Variants in SLC30A10 observed in about 807,000 individuals in gnomAD.
The protein encoded by SLC30A10 is solute carrier family 30 member 10.
In SLC30A10, 8 loss-of-function variants were observed where a neutral mutation model predicts 21.7. That is an observed-to-expected ratio of 0.37 (90% confidence interval 0.22 to 0.67). The LOEUF is 0.67. Ranked by LOEUF, SLC30A10 falls within the 30% of genes least tolerant of loss-of-function variation. The pLI, the probability that SLC30A10 is intolerant of heterozygous loss-of-function variation, is 0.58. For missense variants in SLC30A10, 521 were observed against 642.5 expected (o/e 0.81, Z 2.04); for synonymous variants, 272 against 279.4 (o/e 0.97, Z 0.26).
intron 1 of SLC30A10, 51 bp downstream of exon 1, chr1:219,927,750 G>A: frequency 6.9e-7 from 1 of 1,454,432 alleles, no homozygotes. Context: ...GGGACCGGGT[G>A]GGAGGAGGAA....
intron 1 of SLC30A10, 120 bp downstream of exon 1, chr1:219,927,678 CAAA>C (rs111682715): frequency 7.2e-5 from 23 of 319,394 alleles, no homozygotes; most frequent in Non-Finnish European, 1.0e-4. Context: ...ACAACAACAA[CAAA>C]AAAAAAAAAA....
Position 219,911,149 on chromosome 1 carries a change from G to GTTTTTTTTT in SLC30A10, c.*4291_*4299dup. Among the ~76,000 whole-genome samples, 260 of 49,322 alleles carry GTTTTTTTTT rather than the reference G, an allele frequency of 5.3e-3. 22 individuals carry two copies. The highest frequency in any genetic ancestry group is 0.011 in the African/African-American group (195 of 17,096). The allele number at this position is 49,322 out of a possible 152,430, so 32.4% of individuals were successfully genotyped here. ...ATGTTTCTTCATTTTTTCTACATCA[G>GTTTTTTTTT]TTTTTTTTTTTTTTTTTTTTTTTTT... is the stretch of plus-strand genomic sequence containing the variant. On this transcript the variant is annotated 3_prime_UTR_variant, in exon 4 of 4. Transcript: ENST00000366926.
upstream of SLC30A10, chr1:219,928,795 G>T (rs908835726): frequency 9.5e-6 from 2 of 209,464 alleles, no homozygotes; most frequent in Non-Finnish European, 1.9e-5. The surrounding 1 kb of genome is among the most constrained non-coding windows in gnomAD (Gnocchi z 6.3). Flanking sequence ...GAGAGGGGGC[G>T]TGTCTGGACG....
chr1:219,933,464 A>C (rs1366186327), upstream of SLC30A10, among the ~76,000 whole-genome samples: 1 of 152,210 alleles, frequency 6.6e-6, no homozygotes, highest in Non-Finnish European at 1.5e-5. Flanking sequence ...TTGGAACTAA[A>C]TCTGGGCTGT....
At chr1:219,925,019 G>A (rs975518439) in intron 2 of SLC30A10, among the ~76,000 whole-genome samples, 4 of 152,152 alleles carry the variant, frequency 2.6e-5, no homozygotes, top group South Asian at 4.1e-4. Flanking sequence ...AGCTAAAGGT[G>A]CACTGGTGTC....
chr1:219,924,201 G>A (rs1329102606), intron 2 of SLC30A10, among the ~76,000 whole-genome samples: 4 of 152,226 alleles, frequency 2.6e-5, no homozygotes, highest in Admixed American at 2.6e-4. Context: ...TGGAGAGTGG[G>A]ACACAGTCCT....
At chr1:219,927,638 T>TAAAAAAAAAAAAAAAAAAAAA (rs77015523) in intron 1 of SLC30A10, among the ~76,000 whole-genome samples, 163 bp downstream of exon 1, 1 of 53,422 alleles carries the variant, frequency 1.9e-5, no homozygotes, top group Non-Finnish European at 3.7e-5. Flanking sequence ...ATGGATTTAT[T>TAAAAAAAAAAAAAAAAAAAAA]AAAAAAAAAA....
At position 219,912,263 on chromosome 1, in the gene SLC30A10, A is replaced by G. The variant is rs1242745234; in HGVS notation, c.*3186T>C. ...TGTCTCCCTACTTTATTGACATTTT[A>G]TCAAGAAGAGAGTAATTTTATTTTC... On this transcript the variant is annotated 3_prime_UTR_variant, in exon 4 of 4. Transcript: ENST00000366926. Among the ~76,000 whole-genome samples the G allele has an allele frequency of 6.7e-6, 1 of 148,722 alleles. No individual in the cohort carries two copies. Among genetic ancestry groups the G allele is most frequent in the Non-Finnish European group, 1.5e-5 (1 of 67,388 alleles).
At chr1:219,947,264 C>G (rs1019072667) in intron 1 of SLC30A10, among the ~76,000 whole-genome samples, 9 of 152,178 alleles carry the variant, frequency 5.9e-5, no homozygotes, top group Admixed American at 5.2e-4. Context: ...TGCAATGGCT[C>G]ATGCCTGTGA....
In SLC30A10 at chr1:219,912,198, A is replaced by AAT. The variant is rs1659430257; in HGVS notation, c.*3250_*3251insAT. Among the ~76,000 whole-genome samples the AAT allele has an allele frequency of 1.5e-5, 2 of 132,988 alleles. No homozygotes were observed. Among genetic ancestry groups the AAT allele is most frequent in the Admixed American group, 1.5e-4 (2 of 13,126 alleles). 87.2% of individuals were successfully genotyped at this position (132,988 alleles called of 152,430 possible). Reference sequence around the variant, plus strand: ...AAAAAAAAAAAAAAAAAAAAAAAAGAACTAAATATGGAGAATATTCTTAAT... The same window carrying AAT: ...AAAAAAAAAAAAAAAAAAAAAAAAGAATACTAAATATGGAGAATATTCTTAAT... On this transcript the variant is annotated 3_prime_UTR_variant, in exon 4 of 4. Coordinates refer to ENST00000366926, the MANE Select transcript of SLC30A10 (RefSeq NM_018713.3).
At chr1:219,928,741 C>G, upstream of SLC30A10, 1 of 349,730 alleles carries the variant, frequency 2.9e-6, no homozygotes, top group East Asian at 5.7e-5. The surrounding 1 kb of genome is among the most constrained non-coding windows in gnomAD (Gnocchi z 6.3). Context: ...GAGCCGATGT[C>G]TCTCTTTGTG....
intron 2 of SLC30A10, among the ~76,000 whole-genome samples, chr1:219,920,831 G>A (rs925309566): frequency 6.6e-6 from 1 of 152,190 alleles, no homozygotes; most frequent in Non-Finnish European, 1.5e-5. Context: ...GCTGTAAGCT[G>A]TTGTATGTCT....
rs147869266 is a variant in SLC30A10 at position 219,939,467 on chromosome 1, G to A, written n.81-12362C>T. On this transcript the variant is annotated intron_variant and non_coding_transcript_variant, in intron 1 of 8. Transcript: ENST00000484239. ...CTTTGAGACCAAGTCTCACTCTGTCGCCCAGGCTGCAGTGCAGTGGCCATT... is the reference window on the plus strand; with the variant it reads ...CTTTGAGACCAAGTCTCACTCTGTCACCCAGGCTGCAGTGCAGTGGCCATT... Among the ~76,000 whole-genome samples, 184 of 151,452 alleles carry A rather than the reference G, an allele frequency of 1.2e-3. 1 individual carries two copies. In the East Asian group the frequency reaches 0.023, roughly 19 times the overall value.
In SLC30A10 at chr1:219,946,710, C is replaced by T. The variant is rs532394420; in HGVS notation, n.80+11858G>A. On this transcript the variant is annotated intron_variant and non_coding_transcript_variant, in intron 1 of 8. Transcript: ENST00000484239. Reference sequence around the variant, plus strand: ...GGCACATTCTCTCTGTTCCTGGGCCCACCCCTGCTCTTCCAGTTGTTGTGC... The same window carrying T: ...GGCACATTCTCTCTGTTCCTGGGCCTACCCCTGCTCTTCCAGTTGTTGTGC... Among the ~76,000 whole-genome samples, 77 of 152,174 alleles carry T rather than the reference C, an allele frequency of 5.1e-4. No homozygotes were observed. The South Asian group carries it at 0.015, about 31-fold the overall frequency.
At chr1:219,930,365 C>T (rs1368417157), upstream of SLC30A10, among the ~76,000 whole-genome samples, 4 of 152,166 alleles carry the variant, frequency 2.6e-5, no homozygotes, top group South Asian at 4.1e-4. Context: ...CCCAGCTATT[C>T]AGGAGGCTAA....
At chr1:219,929,491 T>G (rs563508606), upstream of SLC30A10, among the ~76,000 whole-genome samples, 1 of 151,948 alleles carries the variant, frequency 6.6e-6, no homozygotes, top group Non-Finnish European at 1.5e-5. Context: ...TACAATCGAC[T>G]GACCTACATG....
At chr1:219,924,346 A>C (rs1196950238) in intron 2 of SLC30A10, among the ~76,000 whole-genome samples, 1 of 152,242 alleles carries the variant, frequency 6.6e-6, no homozygotes, top group East Asian at 1.9e-4. Context: ...GTAGGAGCCC[A>C]GGATTCCAGC....
intron 1 of SLC30A10, among the ~76,000 whole-genome samples, chr1:219,947,464 T>C (rs917028797): frequency 6.6e-6 from 1 of 151,870 alleles, no homozygotes; most frequent in African/African-American, 2.4e-5. Context: ...GCCTGGGAGG[T>C]TGAGGCTGCT....
At position 219,918,489 on chromosome 1, in the gene SLC30A10, G is replaced by T; in HGVS notation, c.724C>A (p.Leu242Ile). ...AGGGCATCTCCCATCACATGCAAAAGTACACCTGCCAGGAAGAAAGACTAC... is the reference window on the plus strand; with the variant it reads ...AGGGCATCTCCCATCACATGCAAAATTACACCTGCCAGGAAGAAAGACTAC... ...KSEALNIRGV[L>I]LHVMGDALGS... Residue 242 changes from leucine to isoleucine, a missense_variant, in exon 3 of 4, where the codon CTT (leucine) becomes ATT (isoleucine). Transcript: ENST00000366926. The surrounding 1 kb of genome is among the most constrained non-coding windows in gnomAD (Gnocchi z 4.4). 2 of 1,595,708 alleles carry T rather than the reference G, an allele frequency of 1.3e-6. No individual in the cohort carries two copies. The highest frequency in any genetic ancestry group is 2.3e-5 in the South Asian group (2 of 88,818).
Sources: gnomAD v4.1 joint callset for allele counts (sites outside exome capture counted in the v4.1 genomes callset) on GRCh38, gnomAD v4.1.1 for gene constraint, Gnocchi (gnomAD v3.1) non-coding constraint, MANE v1.5 for transcripts, NCBI Gene and HGNC (gene_info 2026-07-23, HGNC 2026-07-21) for gene names.